Variants in XPO7 observed in about 807,000 individuals in gnomAD.
XPO7 encodes exportin 7, also known as exportin-7.
Under a neutral mutation model 144.3 loss-of-function variants are expected in XPO7, and 21 were observed. The observed-to-expected ratio is 0.15, with a 90% CI of 0.10 to 0.21. The LOEUF is 0.21. Ranked by LOEUF, XPO7 falls within the 10% of genes least tolerant of loss-of-function variation. The pLI is 1.00. For synonymous variants in XPO7, 580 were observed against 499.6 expected (o/e 1.16, Z -2.15); for missense variants, 808 against 1,325.8 (o/e 0.61, Z 6.06).
At position 21,977,827 on chromosome 8, in the gene XPO7, C is replaced by A; in HGVS notation, c.821C>A (p.Pro274His). The A allele has an allele frequency of 6.2e-7, 1 of 1,613,932 alleles. No homozygotes were observed. Among genetic ancestry groups the A allele is most frequent in the Non-Finnish European group, 8.5e-7 (1 of 1,179,854 alleles). ...TTTGACCTGTATCATTCCATCCCTC[C>A]TTCATTTTCACCTCTGGTGAGTCAG... Reference protein sequence around the residue: ...LFFDLYHSIPPSFSPLVLSCL... With the variant: ...LFFDLYHSIPHSFSPLVLSCL... The change falls in exon 8 of 28, where the codon CCT (proline) becomes CAT (histidine). Residue 274 changes from proline (P) to histidine (H), a missense_variant. Pro to His is a moderately conservative substitution (Grantham distance 77, BLOSUM62 -2). This residue lies in a region of XPO7 where 223 missense variants were observed against 368.8 expected (regional missense o/e 0.60). Coordinates refer to ENST00000252512, the MANE Select transcript of XPO7 (RefSeq NM_015024.5).
chr8:21,957,337 C>G (rs981121796), intron 1 of XPO7, among the ~76,000 whole-genome samples: 1 of 152,290 alleles, frequency 6.6e-6, no homozygotes, highest in South Asian at 2.1e-4. Flanking sequence ...CTTAACTTCT[C>G]AAAGATACTT....
At chr8:21,971,730 A>G (rs921298855) in intron 4 of XPO7, 146 bp from the exon 5 acceptor site, 4 of 492,620 alleles carry the variant, frequency 8.1e-6, no homozygotes, top group Non-Finnish European at 1.4e-5. Context: ...GCAAAACAAC[A>G]GTTTTAAACT....
At chr8:21,951,127 C>G (rs1029666423) in intron 1 of XPO7, among the ~76,000 whole-genome samples, 2 of 152,064 alleles carry the variant, frequency 1.3e-5, no homozygotes, top group African/African-American at 4.8e-5. Context: ...AAGGAAGTAC[C>G]TAGCACAGGG....
At position 21,994,353 on chromosome 8, in the gene XPO7, T is replaced by C; in HGVS notation, c.2149-10T>C. 6.2e-7 allele frequency: 1 copy of C among 1,609,950 alleles called. No homozygotes were observed. Among genetic ancestry groups the C allele is most frequent in the Non-Finnish European group, 8.5e-7 (1 of 1,177,200 alleles). Reference sequence around the variant, plus strand: ...CTTCTATTTTAACACATTTTTGCCTTCTACTACAGCGAACTCTAGTTGGCC... The same window carrying C: ...CTTCTATTTTAACACATTTTTGCCTCCTACTACAGCGAACTCTAGTTGGCC... On this transcript the variant is annotated splice_polypyrimidine_tract_variant and intron_variant, in intron 19 of 27. Coordinates refer to ENST00000252512, the MANE Select transcript of XPO7 (RefSeq NM_015024.5).
chr8:21,971,822 G>A lies in XPO7; in HGVS notation c.427-54G>A, dbSNP rs73541581. 1.8e-4 allele frequency: 272 copies of A among 1,512,258 alleles called. No individual in the cohort carries two copies. In the Middle Eastern group the frequency reaches 2.4e-3, roughly 13 times the overall value. 93.7% of individuals were successfully genotyped at this position (1,512,258 alleles called of 1,614,324 possible). ...TCGAAAGTATGAGTGCATTCCAAAT[G>A]CCAAAACCAAGCACACATGACAACT... is the stretch of plus-strand genomic sequence containing the variant. On this transcript the variant is annotated intron_variant, in intron 4 of 27. Coordinates refer to ENST00000252512, the MANE Select transcript of XPO7 (RefSeq NM_015024.5).
chr8:21,988,215 T>G (rs2117374903), intron 15 of XPO7: 1 of 208,130 alleles, frequency 4.8e-6, no homozygotes, highest in South Asian at 8.5e-5. Context: ...AGGCATTCAC[T>G]TTCTGTTGCT....
At chr8:21,966,750 A>C in intron 1 of XPO7, 107 bp from the exon 2 acceptor site, 3 of 1,451,650 alleles carry the variant, frequency 2.1e-6, no homozygotes, top group Non-Finnish European at 2.7e-6. Flanking sequence ...TTCAGAAGCA[A>C]TTCTTTCTTT....
At chr8:21,932,944 A>G (rs1810700961) in intron 1 of XPO7, among the ~76,000 whole-genome samples, 1 of 152,108 alleles carries the variant, frequency 6.6e-6, no homozygotes, top group Non-Finnish European at 1.5e-5. Flanking sequence ...ATTCACATTG[A>G]CCTTTGTTAG....
chr8:21,924,041 T>C (rs544212106), intron 1 of XPO7, among the ~76,000 whole-genome samples: 59 of 152,312 alleles, frequency 3.9e-4, no homozygotes, highest in Non-Finnish European at 7.6e-4. Context: ...AGTCAAACTC[T>C]CAGCTGGGGC....
At chr8:21,996,978 T>C (rs1452980353) in intron 21 of XPO7, among the ~76,000 whole-genome samples, 1 of 152,116 alleles carries the variant, frequency 6.6e-6, no homozygotes, top group Admixed American at 6.5e-5. Flanking sequence ...CCGGCTAATT[T>C]TCTATTTTTA....
intron 1 of XPO7, among the ~76,000 whole-genome samples, chr8:21,922,613 G>C (rs1810325581): frequency 6.6e-6 from 1 of 152,150 alleles, no homozygotes; most frequent in South Asian, 2.1e-4. Flanking sequence ...AACGCTCAGT[G>C]AACAGTGGTG....
intron 1 of XPO7, among the ~76,000 whole-genome samples, chr8:21,953,494 T>G (rs1811437787): frequency 6.6e-6 from 1 of 152,252 alleles, no homozygotes; most frequent in South Asian, 2.1e-4. Context: ...GTGTACAGGT[T>G]TTGTGTAGAC....
chr8:21,989,280 C>T (rs1374215788), intron 16 of XPO7, among the ~76,000 whole-genome samples, 197 bp downstream of exon 16: 1 of 152,206 alleles, frequency 6.6e-6, no homozygotes, highest in Non-Finnish European at 1.5e-5. Context: ...AATGAGCTGA[C>T]ACCCAACCTG....
rs1811986785 is a variant in XPO7, at chr8:21,969,565, G to A, written c.248G>A (p.Arg83Gln). ...RTNNPLPLEQ[R>Q]IDIRNYVLNY... is the part of the protein sequence containing the mutation. Reference sequence around the variant, plus strand: ...AACAACCCCCTACCATTGGAACAGCGAATAGATATTCGTAAGTGGAGAATT... The same window carrying A: ...AACAACCCCCTACCATTGGAACAGCAAATAGATATTCGTAAGTGGAGAATT... The change falls in exon 3 of 28, where the codon CGA becomes CAA. Residue 83 changes from arginine to glutamine, a missense_variant. Arg to Gln is a conservative substitution (Grantham distance 43). Around this residue, in one of 5 missense-constraint regions of XPO7, gnomAD observed 223 missense variants for 368.8 expected, o/e 0.60. Transcript: ENST00000252512. 4 of 1,613,418 alleles carry A rather than the reference G, an allele frequency of 2.5e-6. No individual in the cohort carries two copies. The highest frequency in any genetic ancestry group is 2.2e-5 in the East Asian group (1 of 44,870).
chr8:21,945,999 G>C (rs1434235791), intron 1 of XPO7, among the ~76,000 whole-genome samples: 2 of 152,206 alleles, frequency 1.3e-5, no homozygotes, highest in South Asian at 2.1e-4. Flanking sequence ...ATCCTAGAAA[G>C]CACCTTGGAG....
intron 7 of XPO7, among the ~76,000 whole-genome samples, chr8:21,977,563 C>A (rs1812266456): frequency 6.6e-6 from 1 of 152,068 alleles, no homozygotes; most frequent in Non-Finnish European, 1.5e-5. Context: ...CCAGCCTGGG[C>A]TACAGAGGGA....
intron 1 of XPO7, among the ~76,000 whole-genome samples, chr8:21,933,217 C>G (rs560422064): frequency 2.0e-5 from 3 of 151,054 alleles, no homozygotes; most frequent in African/African-American, 7.3e-5. Context: ...TCTCCTGTCT[C>G]AGCCTCCTGA....
At chr8:21,992,361 T>C (rs1812798617) in intron 19 of XPO7, among the ~76,000 whole-genome samples, 1 of 152,226 alleles carries the variant, frequency 6.6e-6, no homozygotes, top group Non-Finnish European at 1.5e-5. Context: ...ATCTTTACCA[T>C]TTTTACATGT....
chr8:21,929,768 GT>G (rs537627734), intron 1 of XPO7, among the ~76,000 whole-genome samples: 164 of 149,320 alleles, frequency 1.1e-3, no homozygotes, highest in Non-Finnish European at 1.0e-3. Context: ...AATTTAAAGG[GT>G]TTTTTTTTTC....
Sources: gnomAD v4.1 joint callset for allele counts (sites outside exome capture counted in the v4.1 genomes callset) on GRCh38, gnomAD v4.1.1 for gene constraint, gnomAD v4.1.1 regional missense constraint, MANE v1.5 for transcripts, NCBI Gene and HGNC (gene_info 2026-07-23, HGNC 2026-07-21) for gene names.